Variants in MDFIC2 observed in about 807,000 individuals in gnomAD.
MDFIC2 encodes the protein MyoD family inhibitor domain containing 2.
rs928662119 is a variant in MDFIC2, at chr3:70,195,643, A to G, written c.*1283T>C. 1.3e-5 allele frequency among the ~76,000 whole-genome samples: 2 copies of G among 152,170 alleles called. No individual in the cohort carries two copies. Among genetic ancestry groups the G allele is most frequent in the African/African-American group, 4.8e-5 (2 of 41,448 alleles). Reference sequence around the variant, plus strand: ...AATTACACACAAAAAAATTCCCTCAATTCTCCATTTCACTTTTGTGTTCTT... The same window carrying G: ...AATTACACACAAAAAAATTCCCTCAGTTCTCCATTTCACTTTTGTGTTCTT... On this transcript the variant is annotated 3_prime_UTR_variant, in exon 4 of 4. Transcript: ENST00000567252.
intron 3 of MDFIC2, chr3:70,205,441 T>C (rs1184455942): frequency 1.3e-5 from 2 of 152,148 alleles, no homozygotes; most frequent in Non-Finnish European, 2.9e-5. Context: ...AGACACCACA[T>C]ACATAATATA....
At chr3:70,223,464 A>C (rs1296222521) in intron 2 of MDFIC2, among the ~76,000 whole-genome samples, 2 of 152,210 alleles carry the variant, frequency 1.3e-5, no homozygotes, top group Non-Finnish European at 2.9e-5. Flanking sequence ...ATTAAAAATG[A>C]TTCCATTTTT....
intron 2 of MDFIC2, among the ~76,000 whole-genome samples, chr3:70,306,969 A>G (rs1048910917): frequency 5.9e-5 from 9 of 152,172 alleles, no homozygotes; most frequent in African/African-American, 2.2e-4. Flanking sequence ...ATGTATATGT[A>G]TGTGTGTATA....
chr3:70,262,339 C>G (rs1701874727), intron 2 of MDFIC2, among the ~76,000 whole-genome samples: 2 of 152,134 alleles, frequency 1.3e-5, no homozygotes, highest in Non-Finnish European at 2.9e-5. Context: ...CATTGCTGAG[C>G]CTCACCATCT....
chr3:70,255,821 T>G (rs946695834), intron 2 of MDFIC2, among the ~76,000 whole-genome samples: 1 of 152,214 alleles, frequency 6.6e-6, no homozygotes, highest in African/African-American at 2.4e-5. Flanking sequence ...AAATGATCAA[T>G]GCACACCAAT....
At chr3:70,265,184 C>T (rs181615158) in intron 2 of MDFIC2, among the ~76,000 whole-genome samples, 165 of 152,232 alleles carry the variant, frequency 1.1e-3, no homozygotes, top group African/African-American at 3.9e-3. Flanking sequence ...CAAACCATAT[C>T]AGGGGGAGAA....
chr3:70,231,345 A>G (rs779770847), intron 2 of MDFIC2, among the ~76,000 whole-genome samples: 4 of 152,162 alleles, frequency 2.6e-5, no homozygotes, highest in African/African-American at 7.2e-5. Context: ...GCAGCCCGCC[A>G]TCTCTCTCTG....
intron 2 of MDFIC2, among the ~76,000 whole-genome samples, chr3:70,231,419 A>G (rs1372140485): frequency 1.3e-5 from 2 of 152,188 alleles, no homozygotes; most frequent in African/African-American, 2.4e-5. Context: ...CTACCCCCAG[A>G]GCTCCCGACG....
chr3:70,284,415 A>G (rs1702119888), intron 2 of MDFIC2, among the ~76,000 whole-genome samples: 1 of 152,154 alleles, frequency 6.6e-6, no homozygotes, highest in Non-Finnish European at 1.5e-5. Flanking sequence ...CAAAAGCAAA[A>G]ACAAAAAGAG....
At chr3:70,287,470 T>C (rs1018754803) in intron 2 of MDFIC2, among the ~76,000 whole-genome samples, 5 of 152,040 alleles carry the variant, frequency 3.3e-5, no homozygotes, top group Non-Finnish European at 5.9e-5. Context: ...CAGTATTTTA[T>C]TGAGGATTTT....
chr3:70,279,941 C>A (rs1702064570), intron 2 of MDFIC2, among the ~76,000 whole-genome samples: 1 of 152,128 alleles, frequency 6.6e-6, no homozygotes, highest in Non-Finnish European at 1.5e-5. Context: ...TGTCTTTGCT[C>A]CATTACTGTA....
chr3:70,300,083 A>C (rs931302541), intron 2 of MDFIC2, among the ~76,000 whole-genome samples: 1 of 151,830 alleles, frequency 6.6e-6, no homozygotes, highest in African/African-American at 2.4e-5. Flanking sequence ...CAAATTCCCC[A>C]TTTTTCAGAA....
chr3:70,279,065 A>G (rs1357271), intron 2 of MDFIC2, among the ~76,000 whole-genome samples: 80,954 of 148,110 alleles, frequency 0.55, 22,600 homozygotes, highest in Middle Eastern at 0.63. Flanking sequence ...CTTTCCTAAC[A>G]TCTTCTCATT....
At chr3:70,249,606 T>G (rs879861471) in intron 2 of MDFIC2, 1 of 152,094 alleles carries the variant, frequency 6.6e-6, no homozygotes, top group African/African-American at 2.4e-5. Flanking sequence ...GCCCCTGCTG[T>G]GAAAATGGAA....
chr3:70,311,180 A>G (rs1157526306), intron 2 of MDFIC2, among the ~76,000 whole-genome samples: 1 of 152,220 alleles, frequency 6.6e-6, no homozygotes, highest in Non-Finnish European at 1.5e-5. Flanking sequence ...TTTACAATAT[A>G]ATAGATTCAT....
chr3:70,213,623 A>G (rs115147089), intron 2 of MDFIC2, among the ~76,000 whole-genome samples: 1,730 of 152,250 alleles, frequency 0.011, 14 homozygotes, highest in Non-Finnish European at 0.017. Context: ...AGTTAATTGA[A>G]GTGACACTGT....
In MDFIC2 at chr3:70,220,460, G is replaced by T. The variant is rs562819188; in HGVS notation, c.89-13670C>A. ...CTCTTAAAAAAAAAAATTACTTCAA[G>T]TTATATTTTTGCTGACTGACAGCAA... On this transcript the variant is annotated intron_variant, in intron 2 of 3. Transcript: ENST00000567252. Among the ~76,000 whole-genome samples, 3 of 152,096 alleles carry T rather than the reference G, an allele frequency of 2.0e-5. No homozygotes were observed. In the South Asian group the frequency reaches 6.2e-4, roughly 32 times the overall value.
intron 2 of MDFIC2, among the ~76,000 whole-genome samples, chr3:70,228,482 T>C (rs1340656274): frequency 6.6e-6 from 1 of 152,092 alleles, no homozygotes; most frequent in Non-Finnish European, 1.5e-5. Flanking sequence ...TATTTTAATA[T>C]AGTACAGTTT....
chr3:70,246,540 A>C (rs911416801), intron 2 of MDFIC2, among the ~76,000 whole-genome samples: 5 of 152,082 alleles, frequency 3.3e-5, no homozygotes, highest in African/African-American at 1.2e-4. Context: ...TGCACAATTT[A>C]ATTTGAATTT....
Sources: gnomAD v4.1 joint callset for allele counts (sites outside exome capture counted in the v4.1 genomes callset) on GRCh38, gnomAD v4.1.1 for gene constraint, MANE v1.5 for transcripts, NCBI Gene and HGNC (gene_info 2026-07-23, HGNC 2026-07-21) for gene names.